The following CSMD1 variants were observed in gnomAD, a reference collection of about 807,000 sequenced individuals.
The protein encoded by CSMD1 is CUB and sushi domain-containing protein 1.
In CSMD1, 213 loss-of-function variants were observed where a neutral mutation model predicts 417.5. The ratio of observed to expected loss-of-function variants is 0.51; its 90% CI spans 0.46 to 0.57. The LOEUF is 0.57. Ranked by LOEUF, CSMD1 falls within the 20% of genes least tolerant of loss-of-function variation. CSMD1 has a pLI of 0.00. For missense variants in CSMD1, 6,923 were observed against 4,529.7 expected, an observed-to-expected ratio of 1.53 and a Z score of -15.17; for synonymous variants, 2,862 against 1,736.8, an observed-to-expected ratio of 1.65 and a Z score of -16.11.
At chr8:3,323,438 C>G (rs1806283362) in intron 23 of CSMD1, among the ~76,000 whole-genome samples, 1 of 151,378 alleles carries the variant, frequency 6.6e-6, no homozygotes, top group Non-Finnish European at 1.5e-5. Context: ...AACGCTGGTC[C>G]ATTCTGAACC....
intron 9 of CSMD1, among the ~76,000 whole-genome samples, chr8:3,583,137 C>G (rs1007976987): frequency 6.6e-6 from 1 of 152,044 alleles, no homozygotes; most frequent in African/African-American, 2.4e-5. Flanking sequence ...AACAGCCTGT[C>G]TTTCAGAATT....
chr8:4,244,146 T>A (rs1396858352), intron 3 of CSMD1, among the ~76,000 whole-genome samples: 1 of 152,170 alleles, frequency 6.6e-6, no homozygotes, highest in African/African-American at 2.4e-5. Flanking sequence ...ACAAGTAGAT[T>A]TGTGCTACAG....
chr8:3,405,527 C>G (rs1245725075), intron 15 of CSMD1, among the ~76,000 whole-genome samples: 1 of 152,198 alleles, frequency 6.6e-6, no homozygotes, highest in East Asian at 1.9e-4. Flanking sequence ...CATTGAGGTC[C>G]TAACCCTCAG....
At chr8:4,465,869 G>T (rs78511619) in intron 2 of CSMD1, among the ~76,000 whole-genome samples, 344 of 152,262 alleles carry the variant, frequency 2.3e-3, no homozygotes, top group African/African-American at 7.6e-3. Flanking sequence ...ACAGGTGATT[G>T]TATCTGGAAG....
intron 10 of CSMD1, among the ~76,000 whole-genome samples, chr8:3,503,800 T>A (rs1314118194): frequency 4.6e-5 from 7 of 151,016 alleles, no homozygotes; most frequent in African/African-American, 1.7e-4. Context: ...GCCCCCCTCT[T>A]TCCTTGCCCT....
At position 3,385,546 on chromosome 8, in the gene CSMD1, C is replaced by T. The variant is rs369079664; in HGVS notation, c.2782+1948G>A. ...TGTTAGGATCTTCAAAGCAATGTTA[C>T]ACAATACTTCTAAAACCAAGGAGTA... On this transcript the variant is annotated intron_variant, in intron 18 of 69. Transcript: ENST00000635120. Among the ~76,000 whole-genome samples, 219 of 152,152 alleles carry T rather than the reference C, an allele frequency of 1.4e-3. 1 individual carries two copies. Among genetic ancestry groups the T allele is most frequent in the African/African-American group, 5.1e-3 (210 of 41,520 alleles).
rs766550638 is a variant in CSMD1, at chr8:4,994,449, A to G, written c.-33T>C. ...GATACTCCACACGCACGCGACACCGATGGCTCCTCCGAGGAAGGCAGGGCT... is the reference window on the plus strand; with the variant it reads ...GATACTCCACACGCACGCGACACCGGTGGCTCCTCCGAGGAAGGCAGGGCT... On this transcript the variant is annotated 5_prime_UTR_variant, in exon 1 of 70. Coordinates refer to ENST00000635120, the MANE Select transcript of CSMD1 (RefSeq NM_033225.6). The G allele has an allele frequency of 5.0e-6, 8 of 1,585,798 alleles. No homozygotes were observed. In the South Asian group the frequency reaches 7.8e-5, roughly 15 times the overall value.
rs528941795 is a variant in CSMD1, at chr8:3,362,769, AC to A, written c.3116-3430del. 2.5e-3 allele frequency among the ~76,000 whole-genome samples: 375 copies of A among 152,072 alleles called. 3 individuals carry two copies. Among genetic ancestry groups the A allele is most frequent in the African/African-American group, 8.7e-3 (362 of 41,476 alleles). On this transcript the variant is annotated intron_variant, in intron 20 of 69. Transcript: ENST00000635120. ...TCATTCATGCAGGTGCAAAATCTTGACCCCACTCTGTATTTTATATGACACC... is the reference window on the plus strand; with the variant it reads ...TCATTCATGCAGGTGCAAAATCTTGACCCACTCTGTATTTTATATGACACC...
chr8:3,224,001 T>C, intron 27 of CSMD1, 134 bp from the exon 28 acceptor site: 2 of 744,212 alleles, frequency 2.7e-6, no homozygotes, highest in Non-Finnish European at 4.2e-6. Flanking sequence ...AGATTGTGTG[T>C]TGGTTATCAA....
chr8:3,596,503 G>T (rs930010985), intron 8 of CSMD1, among the ~76,000 whole-genome samples: 3 of 152,122 alleles, frequency 2.0e-5, no homozygotes, highest in South Asian at 2.1e-4. Context: ...ATTCAAATGG[G>T]CTTTCTTTTT....
chr8:4,726,944 A>G (rs1466388744), intron 1 of CSMD1, among the ~76,000 whole-genome samples: 4 of 152,212 alleles, frequency 2.6e-5, no homozygotes, highest in African/African-American at 4.8e-5. Flanking sequence ...GATTGTACAT[A>G]TGTACTTAAA....
At chr8:3,742,232 T>A (rs2623717) in intron 6 of CSMD1, among the ~76,000 whole-genome samples, 1 of 152,174 alleles carries the variant, frequency 6.6e-6, no homozygotes. Flanking sequence ...TGTAGATAGA[T>A]TTAATTCTCA....
chr8:3,305,419 G>A (rs751925665), intron 25 of CSMD1, among the ~76,000 whole-genome samples: 1 of 151,554 alleles, frequency 6.6e-6, no homozygotes, highest in Non-Finnish European at 1.5e-5. Flanking sequence ...TATTGAAAGT[G>A]GGAGCCCTTA....
chr8:3,997,938 G>C lies in CSMD1; in HGVS notation c.783C>G (p.Phe261Leu), dbSNP rs988984322. Residue 261 changes from phenylalanine to leucine, a missense_variant, in exon 5 of 70, where the codon TTC becomes TTG. Transcript: ENST00000635120. ...TDFQLEEGYD[F>L]LEISGTEAPS... ...GAGCTTCCGTGCCACTGATCTCTAA[G>C]AAATCATATCCTTCTTCTAGCTGAA... 6.2e-7 allele frequency: 1 copy of C among 1,612,456 alleles called. No individual in the cohort carries two copies. The highest frequency in any genetic ancestry group is 1.1e-5 in the South Asian group (1 of 90,548).
At chr8:3,941,617 A>G (rs1237398507) in intron 5 of CSMD1, among the ~76,000 whole-genome samples, 2 of 152,158 alleles carry the variant, frequency 1.3e-5, no homozygotes, top group South Asian at 2.1e-4. Context: ...TAATTCATGA[A>G]GATAAGACTT....
intron 5 of CSMD1, among the ~76,000 whole-genome samples, chr8:3,789,127 T>C (rs1244831252): frequency 6.6e-6 from 1 of 152,072 alleles, no homozygotes; most frequent in Non-Finnish European, 1.5e-5. Flanking sequence ...GGTGACTAAG[T>C]CCTTTGTTTT....
At chr8:4,535,021 A>T (rs1411387691) in intron 2 of CSMD1, among the ~76,000 whole-genome samples, 1 of 152,168 alleles carries the variant, frequency 6.6e-6, no homozygotes, top group East Asian at 1.9e-4. Flanking sequence ...TCAGCCTCCC[A>T]AAGTGCTGGG....
intron 5 of CSMD1, among the ~76,000 whole-genome samples, chr8:3,765,884 T>A (rs73188944): frequency 6.6e-6 from 1 of 152,154 alleles, no homozygotes; most frequent in East Asian, 1.9e-4. Flanking sequence ...TTGTGAGAGA[T>A]AGGGTATGAG....
chr8:4,423,791 C>G (rs546547260), intron 2 of CSMD1, among the ~76,000 whole-genome samples: 3 of 151,796 alleles, frequency 2.0e-5, no homozygotes, highest in Non-Finnish European at 4.4e-5. Flanking sequence ...GCAGGAGAAA[C>G]AGTTCACCTG....
Sources: allele counts gnomAD v4.1 joint callset (sites outside exome capture counted in the v4.1 genomes callset), GRCh38; gene constraint gnomAD v4.1.1; transcripts MANE v1.5; gene names NCBI Gene and HGNC (gene_info 2026-07-23, HGNC 2026-07-21).